PCDH15: variants seen among roughly 807,000 people sequenced by gnomAD.
PCDH15 encodes protocadherin-15.
PCDH15 carries 129 observed loss-of-function variants against 178.5 expected under a neutral mutation model. The ratio of observed to expected loss-of-function variants is 0.72; its 90% confidence interval spans 0.63 to 0.84. The LOEUF (loss-of-function observed/expected upper bound fraction) is 0.84. Among genes scored for constraint, PCDH15 ranks in the 40% least tolerant of loss-of-function variants. PCDH15 has a pLI of 0.00. For missense variants in PCDH15, 2,230 were observed against 2,099.9 expected, an observed-to-expected ratio of 1.06 and a Z score of -1.21; for synonymous variants, 800 against 732.0, an observed-to-expected ratio of 1.09 and a Z score of -1.50.
chr10:54,427,544 C>T (rs1311137558), intron 3 of PCDH15, among the ~76,000 whole-genome samples: 1 of 151,988 alleles, frequency 6.6e-6, no homozygotes, highest in Non-Finnish European at 1.5e-5. Flanking sequence ...TCCCAAAGTG[C>T]TGGGATTACA....
intron 3 of PCDH15, among the ~76,000 whole-genome samples, chr10:54,442,110 C>G (rs576136470): frequency 1.3e-5 from 2 of 151,286 alleles, no homozygotes; most frequent in Non-Finnish European, 3.0e-5. Flanking sequence ...TATTTTCCTG[C>G]ATGTCTGCTT....
At chr10:54,036,974 G>A (rs1223018923) in intron 18 of PCDH15, among the ~76,000 whole-genome samples, 2 of 151,898 alleles carry the variant, frequency 1.3e-5, no homozygotes, top group Non-Finnish European at 2.9e-5. Flanking sequence ...GTTCAAGAGA[G>A]GTTTAAGACT....
intron 3 of PCDH15, among the ~76,000 whole-genome samples, chr10:54,524,677 T>G (rs1377528450): frequency 6.6e-6 from 1 of 152,220 alleles, no homozygotes; most frequent in Non-Finnish European, 1.5e-5. Context: ...ACATAGATAA[T>G]GTGATCTGTT....
At chr10:54,603,374 A>T (rs1274591603) in intron 2 of PCDH15, among the ~76,000 whole-genome samples, 1 of 151,480 alleles carries the variant, frequency 6.6e-6, no homozygotes, top group South Asian at 2.1e-4. Flanking sequence ...TCCTTTTTAA[A>T]ATTTATTTTT....
intron 25 of PCDH15, among the ~76,000 whole-genome samples, chr10:53,912,534 T>A (rs2083185350): frequency 6.6e-6 from 1 of 152,190 alleles, no homozygotes; most frequent in African/African-American, 2.4e-5. Flanking sequence ...TGATTGTATA[T>A]TTAGAAAACC....
chr10:54,129,481 G>T (rs1197414140), intron 15 of PCDH15, among the ~76,000 whole-genome samples: 1 of 152,154 alleles, frequency 6.6e-6, no homozygotes, highest in Non-Finnish European at 1.5e-5. Flanking sequence ...AGCAGAACTG[G>T]AGATGATCCA....
chr10:54,772,772 C>A (rs1389148319), intron 1 of PCDH15, among the ~76,000 whole-genome samples: 1 of 152,020 alleles, frequency 6.6e-6, no homozygotes, highest in Non-Finnish European at 1.5e-5. Context: ...TGGGTATATA[C>A]CCAAAGGAAT....
chr10:54,290,015 G>A (rs984576289), intron 8 of PCDH15, among the ~76,000 whole-genome samples: 1 of 152,086 alleles, frequency 6.6e-6, no homozygotes, highest in African/African-American at 2.4e-5. Flanking sequence ...TAGCAATGCA[G>A]GCCAACATTC....
chr10:54,572,316 C>T (rs1172840651), intron 2 of PCDH15, among the ~76,000 whole-genome samples: 3 of 152,026 alleles, frequency 2.0e-5, no homozygotes, highest in Non-Finnish European at 2.9e-5. Context: ...AGCAGGTGTG[C>T]CATAATGAGT....
At chr10:55,609,891 T>C (rs1218608959) in intron 2 of PCDH15, among the ~76,000 whole-genome samples, 1 of 152,044 alleles carries the variant, frequency 6.6e-6, no homozygotes, top group East Asian at 1.9e-4. Context: ...TTAACTGTAA[T>C]ACAAAAGCAA....
chr10:55,238,015 A>G lies in PCDH15; in HGVS notation c.-155-71364T>C, dbSNP rs189705996. On this transcript the variant is annotated intron_variant, in intron 1 of 5. Transcript: ENST00000458638. ...TCAAGTCTTTTTATCATTTGAATTTAAATACACAACCTGCAGTGTGTTAAA... is the reference window on the plus strand; with the variant it reads ...TCAAGTCTTTTTATCATTTGAATTTGAATACACAACCTGCAGTGTGTTAAA... Among the ~76,000 whole-genome samples the G allele has an allele frequency of 2.8e-3, 428 of 152,246 alleles. 4 individuals are homozygous for G. The highest frequency in any genetic ancestry group is 9.6e-3 in the African/African-American group (400 of 41,568).
At chr10:54,393,876 G>C (rs1857129) in intron 3 of PCDH15, among the ~76,000 whole-genome samples, 1 of 151,980 alleles carries the variant, frequency 6.6e-6, no homozygotes, top group Non-Finnish European at 1.5e-5. Flanking sequence ...TCCATTTCTA[G>C]GTTGACTAAT....
chr10:55,534,158 T>C (rs1841518719), intron 2 of PCDH15, among the ~76,000 whole-genome samples: 1 of 152,098 alleles, frequency 6.6e-6, no homozygotes, highest in Admixed American at 6.6e-5. Flanking sequence ...CTTCTCAACA[T>C]TAATCTTGGC....
chr10:54,894,215 A>G (rs1420501300), intron 3 of PCDH15, among the ~76,000 whole-genome samples: 1 of 152,138 alleles, frequency 6.6e-6, no homozygotes, highest in Non-Finnish European at 1.5e-5. Context: ...ATGGACAACA[A>G]AGTGCATTCA....
intron 26 of PCDH15, among the ~76,000 whole-genome samples, chr10:53,892,584 A>G (rs1379801072): frequency 6.6e-6 from 1 of 152,190 alleles, no homozygotes; most frequent in Non-Finnish European, 1.5e-5. Flanking sequence ...TACTCAACTG[A>G]CATCTAAAAT....
At chr10:54,349,199 C>G (rs1015954095) in intron 5 of PCDH15, among the ~76,000 whole-genome samples, 5 of 152,138 alleles carry the variant, frequency 3.3e-5, no homozygotes, top group Admixed American at 1.3e-4. Context: ...TTTCAATCTG[C>G]TTACTGGGGT....
rs1564921024 is a variant in PCDH15, at chr10:54,307,016, A to ATGTG, written c.876+10254_876+10255insCACA. 2.1e-4 allele frequency among the ~76,000 whole-genome samples: 6 copies of ATGTG among 28,984 alleles called. 1 individual carries two copies. Among genetic ancestry groups the ATGTG allele is most frequent in the African/African-American group, 4.3e-4 (3 of 6,986 alleles). The allele number at this position is 28,984 out of a possible 152,430, so 19.0% of individuals were successfully genotyped here. A position where few individuals can be genotyped will look rare whatever the true frequency, so the allele number is the denominator to read the frequency against. ...TGAAATTAAATATATATATATATAC[A>ATGTG]TATATATATATATGTGTGTGTGTGT... On this transcript the variant is annotated intron_variant, in intron 8 of 37. Coordinates refer to ENST00000644397, the MANE Select transcript of PCDH15 (RefSeq NM_001384140.1).
chr10:54,284,377 C>T (rs908763968), intron 8 of PCDH15, among the ~76,000 whole-genome samples: 6 of 151,156 alleles, frequency 4.0e-5, no homozygotes, highest in African/African-American at 1.5e-4. Flanking sequence ...ATTGTCAGAA[C>T]CTGTTATTTA....
chr10:54,374,244 C>T (rs1948091332), intron 4 of PCDH15, among the ~76,000 whole-genome samples: 1 of 152,060 alleles, frequency 6.6e-6, no homozygotes, highest in African/African-American at 2.4e-5. Context: ...AACTACTAAA[C>T]TTAGCAGTTG....
Sources: gnomAD v4.1 joint callset for allele counts (sites outside exome capture counted in the v4.1 genomes callset) on GRCh38, gnomAD v4.1.1 for gene constraint, MANE v1.5 for transcripts, NCBI Gene and HGNC (gene_info 2026-07-23, HGNC 2026-07-21) for gene names.